The following SUGCT variants were observed in gnomAD, a reference collection of about 807,000 sequenced individuals.
The protein encoded by SUGCT is succinyl-CoA:glutarate CoA-transferase.
SUGCT carries 41 observed loss-of-function variants against 55.0 expected under a neutral mutation model. The observed-to-expected ratio is 0.74, with a 90% CI of 0.58 to 0.97. SUGCT has a LOEUF of 0.97. Among genes scored for constraint, SUGCT ranks in the 50% least tolerant of loss-of-function variants. The probability of loss-of-function intolerance (pLI) is 0.00; values close to 1 mark genes in which losing one functional copy is unlikely to be tolerated. For missense variants in SUGCT, 568 were observed against 547.8 expected (o/e 1.04, Z -0.37); for synonymous variants, 187 against 200.4 (o/e 0.93, Z 0.56).
At chr7:40,435,276 AG>A (rs1258377792) in intron 9 of SUGCT, among the ~76,000 whole-genome samples, 1 of 152,192 alleles carries the variant, frequency 6.6e-6, no homozygotes, top group Non-Finnish European at 1.5e-5. Flanking sequence ...TCCTGATAGA[AG>A]TATATTCAGC....
chr7:40,643,170 G>A (rs1800343414), intron 12 of SUGCT, among the ~76,000 whole-genome samples: 1 of 152,120 alleles, frequency 6.6e-6, no homozygotes, highest in Non-Finnish European at 1.5e-5. Flanking sequence ...AGACCTATGG[G>A]CATCAGAATA....
intron 7 of SUGCT, among the ~76,000 whole-genome samples, chr7:40,257,928 A>G (rs1790926914): frequency 6.6e-6 from 1 of 152,168 alleles, no homozygotes; most frequent in Non-Finnish European, 1.5e-5. Context: ...TAGCAGGAGT[A>G]TAGATTGGGA....
chr7:40,138,674 G>A (rs1170028732), intron 1 of SUGCT, among the ~76,000 whole-genome samples: 3 of 148,980 alleles, frequency 2.0e-5, no homozygotes, highest in Non-Finnish European at 4.5e-5. Context: ...GATTTTTTTT[G>A]TCTTTTTAAT....
At chr7:40,834,341 A>T (rs564269112) in intron 13 of SUGCT, among the ~76,000 whole-genome samples, 69 of 152,278 alleles carry the variant, frequency 4.5e-4, no homozygotes, top group Non-Finnish European at 9.0e-4. Context: ...ATGGAGAAAG[A>T]TGTTGGAGGC....
At chr7:40,425,709 A>G (rs1052856250) in intron 9 of SUGCT, among the ~76,000 whole-genome samples, 3 of 152,146 alleles carry the variant, frequency 2.0e-5, no homozygotes, top group Non-Finnish European at 4.4e-5. Context: ...GGAATTACCT[A>G]GATGGAGCCA....
chr7:40,442,044 G>A (rs1788544103), intron 9 of SUGCT, among the ~76,000 whole-genome samples: 2 of 152,066 alleles, frequency 1.3e-5, no homozygotes, highest in Non-Finnish European at 2.9e-5. Context: ...ACCAATCTTA[G>A]GAGGTTTTGA....
At chr7:40,887,033 C>T in the SUGCT span, among the ~76,000 whole-genome samples, 1 of 152,154 alleles carries the variant, frequency 6.6e-6, no homozygotes, top group Non-Finnish European at 1.5e-5. Flanking sequence ...AGGTCCTGTA[C>T]ACCAGAAATG....
intron 1 of SUGCT, among the ~76,000 whole-genome samples, chr7:40,160,835 CA>C (rs1342489339): frequency 6.6e-6 from 1 of 151,822 alleles, no homozygotes. Context: ...TTGCAGCAAA[CA>C]AACAAAAACT....
chr7:40,849,016 G>A (rs1022231270), intron 13 of SUGCT, among the ~76,000 whole-genome samples: 5 of 152,072 alleles, frequency 3.3e-5, no homozygotes, highest in African/African-American at 7.2e-5. Flanking sequence ...CTTAGTACTG[G>A]AGCTATCATT....
intron 13 of SUGCT, among the ~76,000 whole-genome samples, chr7:40,752,803 C>A (rs1431846484): frequency 6.6e-6 from 1 of 152,174 alleles, no homozygotes; most frequent in Admixed American, 6.5e-5. Context: ...CAACAGAGTT[C>A]TCAGATCCAC....
chr7:40,993,974 A>G, the SUGCT span, among the ~76,000 whole-genome samples: 2 of 152,226 alleles, frequency 1.3e-5, no homozygotes, highest in African/African-American at 4.8e-5. Flanking sequence ...GTTGTAAGGC[A>G]GCTTAGTTAC....
intron 12 of SUGCT, among the ~76,000 whole-genome samples, chr7:40,739,650 T>A (rs1367218506): frequency 6.6e-6 from 1 of 152,170 alleles, no homozygotes; most frequent in Non-Finnish European, 1.5e-5. Context: ...TCAGTGCCAT[T>A]TGTCAAAAAG....
chr7:40,749,268 A>G (rs1030499968), intron 12 of SUGCT, among the ~76,000 whole-genome samples, 166 bp from the exon 13 acceptor site: 2 of 152,184 alleles, frequency 1.3e-5, no homozygotes, highest in African/African-American at 4.8e-5. Flanking sequence ...ATAGGATGAA[A>G]CGTTATTTTT....
chr7:40,961,849 G>C, the SUGCT span, among the ~76,000 whole-genome samples: 2 of 152,190 alleles, frequency 1.3e-5, no homozygotes, highest in African/African-American at 2.4e-5. Flanking sequence ...CCTCCCGGTG[G>C]GTTCATGGTC....
intron 1 of SUGCT, among the ~76,000 whole-genome samples, chr7:40,137,348 A>G (rs1787752572): frequency 6.6e-6 from 1 of 151,214 alleles, no homozygotes; most frequent in South Asian, 2.1e-4. Context: ...GTTTCCCAGA[A>G]CTCCCCACCT....
chr7:40,655,153 G>A (rs753196885), intron 12 of SUGCT, among the ~76,000 whole-genome samples: 3 of 152,072 alleles, frequency 2.0e-5, no homozygotes, highest in Non-Finnish European at 4.4e-5. Flanking sequence ...AATTAGCTGA[G>A]TGCGGTGGCG....
intron 12 of SUGCT, among the ~76,000 whole-genome samples, chr7:40,543,558 AG>A (rs1794819917): frequency 6.6e-6 from 1 of 152,206 alleles, no homozygotes; most frequent in South Asian, 2.1e-4. Context: ...ACAGGATAAA[AG>A]GTTATATTAT....
intron 12 of SUGCT, among the ~76,000 whole-genome samples, chr7:40,621,927 C>T (rs182057688): frequency 6.6e-6 from 1 of 152,332 alleles, no homozygotes; most frequent in East Asian, 1.9e-4. Context: ...CCTCCCCCAA[C>T]TTCTGTTACC....
chr7:40,148,810 T>A (rs1429757533), intron 1 of SUGCT, among the ~76,000 whole-genome samples: 1 of 152,012 alleles, frequency 6.6e-6, no homozygotes, highest in Non-Finnish European at 1.5e-5. Flanking sequence ...TTGGGGGAAA[T>A]AAAGGATTGC....
Sources: allele counts gnomAD v4.1 joint callset (sites outside exome capture counted in the v4.1 genomes callset), GRCh38; gene constraint gnomAD v4.1.1; transcripts MANE v1.5; gene names NCBI Gene and HGNC (gene_info 2026-07-23, HGNC 2026-07-21).